The following LINGO2 variants were observed in gnomAD, a reference collection of about 807,000 sequenced individuals.
LINGO2 encodes leucine-rich repeat and immunoglobulin-like domain-containing nogo receptor-interacting protein 2.
Under a neutral mutation model 30.6 loss-of-function variants are expected in LINGO2, and 14 were observed. That is an observed-to-expected ratio of 0.46 (90% confidence interval 0.30 to 0.72). LINGO2 has a LOEUF of 0.72. Ranked by LOEUF, LINGO2 falls within the 30% of genes least tolerant of loss-of-function variation. The probability of loss-of-function intolerance (pLI) is 0.07; values close to 1 mark genes in which losing one functional copy is unlikely to be tolerated. For missense variants in LINGO2, 729 were observed against 751.7 expected, an observed-to-expected ratio of 0.97 and a Z score of 0.35; for synonymous variants, 317 against 288.5, an observed-to-expected ratio of 1.10 and a Z score of -1.00.
chr9:29,050,711 C>A, the LINGO2 span, among the ~76,000 whole-genome samples: 15 of 152,286 alleles, frequency 9.8e-5, no homozygotes, highest in South Asian at 2.5e-3. Flanking sequence ...CTAGTGTATA[C>A]ATTTTTTTCT....
At chr9:27,949,424 C>T (rs929456987) in exon 6 of LINGO2, 1 of 1,614,118 alleles carries the variant, frequency 6.2e-7, no homozygotes, top group Middle Eastern at 1.7e-4. Flanking sequence ...GATGCTGCAA[C>T]TTCTTTTCAC....
chr9:28,062,527 C>CATATACATATATACTATATATTGT (rs1825178174), intron 4 of LINGO2, among the ~76,000 whole-genome samples: 1 of 139,634 alleles, frequency 7.2e-6, no homozygotes, highest in Non-Finnish European at 1.5e-5. Context: ...ATTGTATATA[C>CATATACATATATACTATATATTGT]ATATACATAT....
At chr9:28,470,283 C>T (rs1281971829) in intron 2 of LINGO2, among the ~76,000 whole-genome samples, 1 of 152,054 alleles carries the variant, frequency 6.6e-6, no homozygotes, top group Non-Finnish European at 1.5e-5. Context: ...CAAAGAAAAA[C>T]GTATTTGAAT....
At chr9:28,290,207 C>T (rs924298381) in intron 4 of LINGO2, among the ~76,000 whole-genome samples, 1 of 152,088 alleles carries the variant, frequency 6.6e-6, no homozygotes, top group Non-Finnish European at 1.5e-5. Flanking sequence ...GGTTGACTCC[C>T]GAATCTGTGA....
At chr9:28,819,820 T>C in the LINGO2 span, among the ~76,000 whole-genome samples, 5 of 152,298 alleles carry the variant, frequency 3.3e-5, no homozygotes, top group African/African-American at 9.6e-5. Context: ...CCATAGCAGC[T>C]TCCTGGGCTA....
the LINGO2 span, among the ~76,000 whole-genome samples, chr9:28,736,891 G>A: frequency 6.6e-6 from 1 of 152,122 alleles, no homozygotes; most frequent in Non-Finnish European, 1.5e-5. Context: ...TTAGATAGCA[G>A]GCATTCTGTG....
chr9:28,270,101 T>C (rs1822887624), intron 4 of LINGO2, among the ~76,000 whole-genome samples: 1 of 152,138 alleles, frequency 6.6e-6, no homozygotes, highest in African/African-American at 2.4e-5. Context: ...ACCCTGGCAC[T>C]ACCCCAGATC....
the LINGO2 span, among the ~76,000 whole-genome samples, chr9:29,100,665 G>A: frequency 6.6e-6 from 1 of 151,830 alleles, no homozygotes; most frequent in Admixed American, 6.6e-5. Context: ...ACAACAGGGT[G>A]ACCATGGTAT....
At chr9:28,936,224 A>T in the LINGO2 span, among the ~76,000 whole-genome samples, 2 of 152,170 alleles carry the variant, frequency 1.3e-5, no homozygotes, top group Non-Finnish European at 2.9e-5. Context: ...AAATCTTATG[A>T]TCATATCTTT....
At chr9:28,486,185 T>C (rs560462091) in intron 1 of LINGO2, among the ~76,000 whole-genome samples, 1 of 152,240 alleles carries the variant, frequency 6.6e-6, no homozygotes, top group Admixed American at 6.6e-5. Context: ...CTGAGTGTTG[T>C]TCACTTCTTC....
chr9:29,066,302 T>C, the LINGO2 span, among the ~76,000 whole-genome samples: 3 of 151,942 alleles, frequency 2.0e-5, no homozygotes, highest in Non-Finnish European at 4.4e-5. Context: ...GAGAAGAATG[T>C]GGAAAATTCT....
chr9:29,033,899 G>C, the LINGO2 span, among the ~76,000 whole-genome samples: 1 of 151,846 alleles, frequency 6.6e-6, no homozygotes, highest in Non-Finnish European at 1.5e-5. Flanking sequence ...TGGCCAATAT[G>C]GTGCAACCCC....
chr9:28,004,908 G>GT (rs1822185179), intron 5 of LINGO2, among the ~76,000 whole-genome samples: 1 of 152,122 alleles, frequency 6.6e-6, no homozygotes, highest in African/African-American at 2.4e-5. Context: ...ATGGGTTTGT[G>GT]TTTTTATCGA....
the LINGO2 span, among the ~76,000 whole-genome samples, chr9:29,113,972 A>G: frequency 6.6e-6 from 1 of 152,088 alleles, no homozygotes; most frequent in Non-Finnish European, 1.5e-5. Context: ...GAAAAAAAAA[A>G]AAATTGCCAG....
chr9:27,959,481 A>G (rs1819733873), intron 5 of LINGO2, among the ~76,000 whole-genome samples: 1 of 150,378 alleles, frequency 6.6e-6, no homozygotes, highest in Admixed American at 6.6e-5. Context: ...ACGTTTTCTA[A>G]TTTACTTTGT....
At chr9:28,470,448 T>A (rs1380047177) in intron 2 of LINGO2, among the ~76,000 whole-genome samples, 1 of 152,146 alleles carries the variant, frequency 6.6e-6, no homozygotes. Flanking sequence ...AACCATTACA[T>A]AGCTCGCCAG....
the LINGO2 span, among the ~76,000 whole-genome samples, chr9:28,927,639 T>C: frequency 1.3e-5 from 2 of 152,222 alleles, no homozygotes; most frequent in East Asian, 3.8e-4. Context: ...AAGACAATAG[T>C]TTGTGTGTAA....
At chr9:28,884,969 A>T in the LINGO2 span, among the ~76,000 whole-genome samples, 2 of 16,964 alleles carry the variant, frequency 1.2e-4, no homozygotes, top group African/African-American at 1.9e-4. Flanking sequence ...TTTTATATAT[A>T]TAATATATAT....
chr9:28,197,500 A>T (rs987426599), intron 4 of LINGO2, among the ~76,000 whole-genome samples: 4 of 152,016 alleles, frequency 2.6e-5, no homozygotes, highest in African/African-American at 4.8e-5. Context: ...AAATGTTAAT[A>T]GTCATTAGTA....
Sources: gnomAD v4.1 joint callset for allele counts (sites outside exome capture counted in the v4.1 genomes callset) on GRCh38, gnomAD v4.1.1 for gene constraint, MANE v1.5 for transcripts, NCBI Gene and HGNC (gene_info 2026-07-23, HGNC 2026-07-21) for gene names.